Variants in STEAP1B observed in about 807,000 individuals in gnomAD.
STEAP1B encodes STEAP family member 1B.
Under a neutral mutation model 27.9 loss-of-function variants are expected in STEAP1B, and 13 were observed. The ratio of observed to expected loss-of-function variants is 0.47; its 90% CI spans 0.30 to 0.74. The LOEUF is 0.74. Ranked by LOEUF, STEAP1B falls within the 30% of genes least tolerant of loss-of-function variation. The probability of loss-of-function intolerance (pLI) is 0.06; values close to 1 mark genes in which losing one functional copy is unlikely to be tolerated. For missense variants in STEAP1B, 250 were observed against 298.7 expected (o/e 0.84, Z 1.20); for synonymous variants, 86 against 107.1 (o/e 0.80, Z 1.22).
intron 1 of STEAP1B, among the ~76,000 whole-genome samples, chr7:22,496,328 AAG>A (rs1164038639): frequency 9.2e-5 from 14 of 152,236 alleles, no homozygotes; most frequent in African/African-American, 2.9e-4. Flanking sequence ...AATAAAGTAA[AAG>A]AGTTACAGTA....
intron 4 of STEAP1B, among the ~76,000 whole-genome samples, chr7:22,472,145 G>A (rs902898721): frequency 1.3e-5 from 2 of 152,196 alleles, no homozygotes; most frequent in African/African-American, 4.8e-5. Flanking sequence ...CTTCTGGAAT[G>A]AGAAAACTAA....
intron 4 of STEAP1B, among the ~76,000 whole-genome samples, chr7:22,457,652 T>C (rs893810798): frequency 5.3e-5 from 8 of 152,272 alleles, no homozygotes; most frequent in Non-Finnish European, 1.2e-4. Context: ...GTTTTCTTGC[T>C]AATGCCAGCG....
rs146572581 is a variant in STEAP1B at position 22,481,892 on chromosome 7, G to A, written c.762+10673C>T. ...CGGTTTCCTGTAATCCTTGAGGGTG[G>A]GGAGGAAGCATCCTGTAAGTAAAAC... On this transcript the variant is annotated intron_variant, in intron 4 of 4. Coordinates refer to ENST00000678116, the MANE Select transcript of STEAP1B (RefSeq NM_001382447.1). Among the ~76,000 whole-genome samples the A allele has an allele frequency of 2.2e-4, 34 of 152,320 alleles. No homozygotes were observed. In the East Asian group the frequency reaches 6.4e-3, roughly 29 times the overall value.
At chr7:22,470,084 G>A (rs1015437616) in intron 4 of STEAP1B, among the ~76,000 whole-genome samples, 1 of 152,162 alleles carries the variant, frequency 6.6e-6, no homozygotes, top group Non-Finnish European at 1.5e-5. Flanking sequence ...GGAGCAATGA[G>A]TACATCCATT....
chr7:22,443,923 T>C (rs1333048819), intron 4 of STEAP1B, among the ~76,000 whole-genome samples: 2 of 152,230 alleles, frequency 1.3e-5, no homozygotes, highest in Non-Finnish European at 2.9e-5. Flanking sequence ...CTGAAGGTGA[T>C]GTCCAGCCCA....
intron 4 of STEAP1B, among the ~76,000 whole-genome samples, chr7:22,471,057 G>A (rs1785873368): frequency 1.5e-5 from 2 of 136,400 alleles, no homozygotes; most frequent in South Asian, 4.5e-4. Context: ...GAAACCTAAA[G>A]AGCCTATTTT....
chr7:22,481,980 C>T (rs964879408), intron 4 of STEAP1B, among the ~76,000 whole-genome samples: 1 of 152,184 alleles, frequency 6.6e-6, no homozygotes, highest in Non-Finnish European at 1.5e-5. Context: ...CCACGAAAGC[C>T]GGAATCCTGC....
At chr7:22,438,572 T>C in intron 4 of STEAP1B, 1 of 1,552,170 alleles carries the variant, frequency 6.4e-7, no homozygotes, top group Non-Finnish European at 8.7e-7. Flanking sequence ...GAGCTAACAT[T>C]TCCCTTTGAA....
intron 4 of STEAP1B, among the ~76,000 whole-genome samples, chr7:22,480,879 C>G (rs1786057164): frequency 6.6e-6 from 1 of 152,228 alleles, no homozygotes; most frequent in South Asian, 2.1e-4. Flanking sequence ...GAAACAGAAG[C>G]CTGGCGCAGG....
intron 4 of STEAP1B, among the ~76,000 whole-genome samples, chr7:22,441,379 G>A (rs988979054): frequency 6.6e-6 from 1 of 152,138 alleles, no homozygotes; most frequent in African/African-American, 2.4e-5. Context: ...CCATGCGCCA[G>A]GCACTGTTGA....
chr7:22,452,426 C>T (rs3114716), intron 4 of STEAP1B, among the ~76,000 whole-genome samples: 68,372 of 151,498 alleles, frequency 0.45, 15,888 homozygotes, highest in African/African-American at 0.56. Context: ...CAATCCCCCC[C>T]CTCCCCGCGC....
intron 4 of STEAP1B, among the ~76,000 whole-genome samples, chr7:22,451,210 G>T (rs1450530560): frequency 6.6e-6 from 1 of 151,528 alleles, no homozygotes. Flanking sequence ...AAAAAGAAAA[G>T]AAAATTACTT....
At chr7:22,456,913 C>T (rs1346698181) in intron 4 of STEAP1B, among the ~76,000 whole-genome samples, 1 of 138,004 alleles carries the variant, frequency 7.2e-6, no homozygotes, top group Non-Finnish European at 1.5e-5. Flanking sequence ...CTGGCTGCAC[C>T]GCAGACCACC....
chr7:22,496,012 A>C (rs2128418957), intron 1 of STEAP1B, among the ~76,000 whole-genome samples: 1 of 152,320 alleles, frequency 6.6e-6, no homozygotes, highest in Admixed American at 6.5e-5. Context: ...GTCTTCCAGA[A>C]GAAGGCATTG....
At chr7:22,472,859 G>T (rs576654214) in intron 4 of STEAP1B, among the ~76,000 whole-genome samples, 1 of 152,154 alleles carries the variant, frequency 6.6e-6, no homozygotes, top group Non-Finnish European at 1.5e-5. Flanking sequence ...GGAGATTTAC[G>T]TCTGACTTGC....
intron 4 of STEAP1B, among the ~76,000 whole-genome samples, chr7:22,435,322 C>T (rs975403479): frequency 6.6e-6 from 1 of 151,978 alleles, no homozygotes; most frequent in Non-Finnish European, 1.5e-5. Flanking sequence ...CAAGGTCAAG[C>T]AGCTCAAACA....
chr7:22,466,658 G>A (rs1002763236), intron 4 of STEAP1B, among the ~76,000 whole-genome samples: 10 of 152,152 alleles, frequency 6.6e-5, no homozygotes, highest in Non-Finnish European at 1.5e-4. Flanking sequence ...ATTGCACAAG[G>A]ACAGGCAAAA....
intron 4 of STEAP1B, among the ~76,000 whole-genome samples, chr7:22,460,608 G>A (rs1333466729): frequency 6.6e-6 from 1 of 152,156 alleles, no homozygotes; most frequent in Non-Finnish European, 1.5e-5. Context: ...GCTCTTAAGA[G>A]CGCACAGGCA....
At chr7:22,454,041 T>G (rs3114719) in intron 4 of STEAP1B, among the ~76,000 whole-genome samples, 60,016 of 152,102 alleles carry the variant, frequency 0.39, 11,928 homozygotes, top group South Asian at 0.48. Flanking sequence ...TACATTTTTC[T>G]TGGGTATTGT....
Sources: allele counts gnomAD v4.1 joint callset (sites outside exome capture counted in the v4.1 genomes callset), GRCh38; gene constraint gnomAD v4.1.1; transcripts MANE v1.5; gene names NCBI Gene and HGNC (gene_info 2026-07-23, HGNC 2026-07-21).